XPR1: variants seen among roughly 807,000 people sequenced by gnomAD.
The protein encoded by XPR1 is solute carrier family 53 member 1.
XPR1 carries 28 observed loss-of-function variants against 87.5 expected under a neutral mutation model. The observed-to-expected ratio is 0.32, with a 90% CI of 0.24 to 0.44. XPR1 has a LOEUF of 0.44. XPR1 is among the 20% of genes least tolerant of loss of function. XPR1 has a pLI of 1.00. For missense variants in XPR1, 559 were observed against 862.3 expected, an observed-to-expected ratio of 0.65 and a Z score of 4.41; for synonymous variants, 300 against 306.1, an observed-to-expected ratio of 0.98 and a Z score of 0.21.
intron 4 of XPR1, among the ~76,000 whole-genome samples, chr1:180,804,524 GT>G (rs1410215803): frequency 6.6e-6 from 1 of 151,870 alleles, no homozygotes; most frequent in Non-Finnish European, 1.5e-5. Context: ...TTTTATTCTT[GT>G]GATTATTACT....
chr1:180,797,285 T>C (rs1044174933), intron 3 of XPR1, among the ~76,000 whole-genome samples: 1 of 152,210 alleles, frequency 6.6e-6, no homozygotes, highest in Non-Finnish European at 1.5e-5. Context: ...AAGAATTATA[T>C]GCAGTGTGCT....
At chr1:180,694,710 G>C (rs767876791) in intron 2 of XPR1, among the ~76,000 whole-genome samples, 1 of 151,168 alleles carries the variant, frequency 6.6e-6, no homozygotes, top group South Asian at 2.1e-4. Flanking sequence ...TTCAACAATC[G>C]AGCTTTAACC....
At chr1:180,774,384 C>CT (rs71121051) in intron 2 of XPR1, among the ~76,000 whole-genome samples, 1,521 of 68,752 alleles carry the variant, frequency 0.022, 58 homozygotes, top group African/African-American at 0.06. Flanking sequence ...TCTTTCCTAT[C>CT]TTTTTTTTTT....
At chr1:180,726,750 T>G (rs144952820) in intron 2 of XPR1, among the ~76,000 whole-genome samples, 1 of 152,322 alleles carries the variant, frequency 6.6e-6, no homozygotes, top group African/African-American at 2.4e-5. Context: ...ATGCCACTCT[T>G]CTCACCATTT....
intron 2 of XPR1, among the ~76,000 whole-genome samples, chr1:180,699,732 T>A (rs959130918): frequency 9.6e-5 from 9 of 93,806 alleles, no homozygotes; most frequent in Admixed American, 9.5e-4. Flanking sequence ...ATATACCCAG[T>A]AATGGGATGG....
chr1:180,829,260 C>T (rs1650971744), intron 9 of XPR1, among the ~76,000 whole-genome samples: 1 of 152,096 alleles, frequency 6.6e-6, no homozygotes, highest in African/African-American at 2.4e-5. Flanking sequence ...AATTTAGTGG[C>T]TTTTTTGTGT....
At chr1:180,813,064 T>C (rs1194218571) in intron 7 of XPR1, among the ~76,000 whole-genome samples, 3 of 133,916 alleles carry the variant, frequency 2.2e-5, no homozygotes, top group African/African-American at 8.2e-5. Flanking sequence ...GGAAGTTAGA[T>C]CATGTCACTC....
intron 1 of XPR1, among the ~76,000 whole-genome samples, chr1:180,680,773 A>G (rs1012227910): frequency 1.3e-5 from 2 of 152,218 alleles, no homozygotes; most frequent in African/African-American, 2.4e-5. Flanking sequence ...GCTTATTGCA[A>G]CACTAACTAG....
At chr1:180,686,325 A>G (rs1656775768) in intron 2 of XPR1, among the ~76,000 whole-genome samples, 1 of 151,978 alleles carries the variant, frequency 6.6e-6, no homozygotes, top group Admixed American at 6.6e-5. Context: ...CCTGAGTTCT[A>G]GTTTGATTGC....
At chr1:180,708,510 A>G (rs1262642928) in intron 2 of XPR1, among the ~76,000 whole-genome samples, 1 of 152,158 alleles carries the variant, frequency 6.6e-6, no homozygotes, top group African/African-American at 2.4e-5. Context: ...AGGCAGGACA[A>G]ATTTTATCAG....
chr1:180,697,147 A>G (rs996053556), intron 2 of XPR1, among the ~76,000 whole-genome samples: 1 of 152,066 alleles, frequency 6.6e-6, no homozygotes, highest in African/African-American at 2.4e-5. Flanking sequence ...TTACTGATTC[A>G]GTCTTACTAC....
chr1:180,737,624 G>A (rs1658770576), intron 2 of XPR1, among the ~76,000 whole-genome samples: 2 of 152,086 alleles, frequency 1.3e-5, no homozygotes, highest in African/African-American at 4.8e-5. Context: ...CTCCTCCTAT[G>A]CATAACCCGC....
chr1:180,781,210 T>G (rs1558005280), intron 2 of XPR1, among the ~76,000 whole-genome samples: 2 of 152,002 alleles, frequency 1.3e-5, no homozygotes, highest in African/African-American at 2.4e-5. Flanking sequence ...TCACAAAATA[T>G]GAACATTGTT....
chr1:180,654,208 C>T (rs760348703), intron 1 of XPR1, among the ~76,000 whole-genome samples: 2 of 152,044 alleles, frequency 1.3e-5, no homozygotes, highest in Non-Finnish European at 2.9e-5. Context: ...GGTCTCAGCT[C>T]TCGTGTGGTC....
intron 2 of XPR1, among the ~76,000 whole-genome samples, chr1:180,738,777 T>C (rs1324543205): frequency 1.3e-5 from 2 of 152,190 alleles, no homozygotes; most frequent in African/African-American, 2.4e-5. Context: ...ATATTCTAGA[T>C]ACAAGTCCTT....
intron 2 of XPR1, among the ~76,000 whole-genome samples, chr1:180,713,089 A>G (rs1201391360): frequency 6.6e-6 from 1 of 152,002 alleles, no homozygotes; most frequent in African/African-American, 2.4e-5. Flanking sequence ...AATTTGGGGA[A>G]AACGTTGACA....
At chr1:180,761,472 A>G (rs1380734551) in intron 2 of XPR1, among the ~76,000 whole-genome samples, 1 of 152,220 alleles carries the variant, frequency 6.6e-6, no homozygotes, top group Non-Finnish European at 1.5e-5. Flanking sequence ...ATATGAACAG[A>G]CACTTCTCAA....
rs114731622 is a variant in XPR1 at position 180,874,419 on chromosome 1, C to G, written c.1808+477C>G. Among the ~76,000 whole-genome samples the G allele has an allele frequency of 4.4e-3, 667 of 151,940 alleles. 2 individuals are homozygous for G. Among genetic ancestry groups the G allele is most frequent in the Non-Finnish European group, 7.9e-3 (538 of 67,926 alleles). On this transcript the variant is annotated intron_variant, in intron 13 of 14. Transcript: ENST00000367590. The stretch of plus-strand genomic sequence containing the variant: ...ATGTGTTTAAATCTGGCCAGGTGCA[C>G]TGGCTCACTCCTGTAATCCCAACAC...
intron 2 of XPR1, among the ~76,000 whole-genome samples, chr1:180,714,349 T>TTTCTCTCTCTCTCTCTC (rs1393530457): frequency 4.2e-5 from 3 of 72,098 alleles, no homozygotes; most frequent in African/African-American, 1.7e-4. Flanking sequence ...TTTTTCCCTG[T>TTTCTCTCTCTCTCTCTC]TCTCTCTCTC....
Sources: allele counts gnomAD v4.1 joint callset (sites outside exome capture counted in the v4.1 genomes callset), GRCh38; gene constraint gnomAD v4.1.1; transcripts MANE v1.5; gene names NCBI Gene and HGNC (gene_info 2026-07-23, HGNC 2026-07-21).